Variants in SEC16A observed in about 807,000 individuals in gnomAD.
SEC16A encodes the protein SEC16 homolog A, endoplasmic reticulum export factor, also known as protein transport protein Sec16A.
In SEC16A, 110 loss-of-function variants were observed where a neutral mutation model predicts 221.9. That is an observed-to-expected ratio of 0.50 (90% CI 0.42 to 0.58). SEC16A has a LOEUF of 0.58. Among genes scored for constraint, SEC16A ranks in the 20% least tolerant of loss-of-function variants. The pLI is 0.00. For missense variants in SEC16A, 3,165 were observed against 3,097.8 expected, an observed-to-expected ratio of 1.02 and a Z score of -0.52; for synonymous variants, 1,393 against 1,257.7, an observed-to-expected ratio of 1.11 and a Z score of -2.28.
chr9:136,447,141 G>A lies in SEC16A; in HGVS notation c.6697+86C>T, dbSNP rs1837109552. On this transcript the variant is annotated intron_variant, in intron 27 of 31. Transcript: ENST00000684901. This position sits in a 1 kb window ranked among gnomAD's most constrained non-coding sequence, Gnocchi z 5.5. ...GCTGGCCAGGTCATTCTTTTAACGG[G>A]AGATTTAGGAGAGACTCATAGAAAG... The A allele has an allele frequency of 3.3e-6, 5 of 1,522,272 alleles. No individual in the cohort carries two copies. Among genetic ancestry groups the A allele is most frequent in the Non-Finnish European group, 4.4e-6 (5 of 1,130,234 alleles). 94.3% of individuals were successfully genotyped at this position (1,522,272 alleles called of 1,614,324 possible). A position where few individuals can be genotyped will look rare whatever the true frequency, so the allele number is the denominator to read the frequency against.
At chr9:136,453,069 CAA>C (rs372314249) in intron 22 of SEC16A, among the ~76,000 whole-genome samples, 3 of 64,826 alleles carry the variant, frequency 4.6e-5, no homozygotes, top group Admixed American at 1.4e-4. Flanking sequence ...GAATCTGTCT[CAA>C]AAAAAAAAAA....
At position 136,446,246 on chromosome 9, in the gene SEC16A, C is replaced by T. The variant is rs111938674; in HGVS notation, c.6793-527G>A. ...TCAGCCTTCTGAGTAGCTGGGATTA[C>T]AGGCACCCGCCACCACACCCAGGTA... On this transcript the variant is annotated intron_variant, in intron 28 of 31. Coordinates refer to ENST00000684901, the MANE Select transcript of SEC16A (RefSeq NM_014866.2). Among the ~76,000 whole-genome samples, 656 of 151,754 alleles carry T rather than the reference C, an allele frequency of 4.3e-3. 9 individuals are homozygous for T. The highest frequency in any genetic ancestry group is 0.015 in the African/African-American group (623 of 41,408).
upstream of SEC16A, chr9:136,483,637 C>G (rs1390015890): frequency 1.1e-5 from 11 of 985,380 alleles, no homozygotes; most frequent in Non-Finnish European, 1.2e-5. Flanking sequence ...AGATGGGATT[C>G]TTCAATCAAG....
intron 20 of SEC16A, 108 bp downstream of exon 20, chr9:136,455,491 AAC>A: frequency 9.5e-7 from 1 of 1,056,172 alleles, no homozygotes; most frequent in Non-Finnish European, 1.3e-6. Flanking sequence ...CACTGCCTCC[AAC>A]AGTCCACATC....
intron 4 of SEC16A, among the ~76,000 whole-genome samples, chr9:136,469,578 G>A (rs963505054): frequency 1.3e-5 from 2 of 152,198 alleles, no homozygotes; most frequent in Non-Finnish European, 2.9e-5. Context: ...GCAGGAGGAT[G>A]GCTTGAGCCC....
Position 136,476,117 on chromosome 9 carries a change from T to C in SEC16A, c.1499A>G (p.His500Arg). ...GGCTCCGGTGTGGCACACAGCACCATGCCTGGGCACAGCTGGCCCAGGAAG... is the reference window on the plus strand; with the variant it reads ...GGCTCCGGTGTGGCACACAGCACCACGCCTGGGCACAGCTGGCCCAGGAAG... ...GPLPGPAVPR[H>R]GAVCHTGAPD... Residue 500 changes from histidine (H) to arginine (R), a missense_variant, in exon 3 of 32, where the codon CAT becomes CGT. Coordinates refer to ENST00000684901, the MANE Select transcript of SEC16A (RefSeq NM_014866.2). 6.2e-7 allele frequency: 1 copy of C among 1,613,674 alleles called. No homozygotes were observed. The highest frequency in any genetic ancestry group is 8.5e-7 in the Non-Finnish European group (1 of 1,179,830).
At chr9:136,461,298 T>C in intron 12 of SEC16A, 24 bp from the exon 13 acceptor site, 1 of 1,557,922 alleles carries the variant, frequency 6.4e-7, no homozygotes, top group South Asian at 1.2e-5. Flanking sequence ...TTCAGGGACC[T>C]TGGTGGGTTA....
intron 8 of SEC16A, 126 bp downstream of exon 8, chr9:136,465,836 T>C (rs1411401359): frequency 1.6e-5 from 16 of 975,214 alleles, no homozygotes; most frequent in African/African-American, 8.2e-5. Context: ...GAAGGACGGA[T>C]TGGGTCAGAG....
intron 4 of SEC16A, among the ~76,000 whole-genome samples, chr9:136,468,722 A>C (rs539951073): frequency 6.6e-6 from 1 of 152,234 alleles, no homozygotes; most frequent in Non-Finnish European, 1.5e-5. Context: ...TGGTAAAATA[A>C]CTAAGAGCCG....
rs186494487 is a variant in SEC16A at position 136,481,313 on chromosome 9, T to G, written c.-192+1625A>C. ...ACCTCGCCCGGCTAATTTTTTTTTG[T>G]ATTTTCAGTAGAGACGGGGTTTCAC... On this transcript the variant is annotated intron_variant, in intron 1 of 31. Coordinates refer to ENST00000684901, the MANE Select transcript of SEC16A (RefSeq NM_014866.2). Among the ~76,000 whole-genome samples the G allele has an allele frequency of 3.3e-5, 5 of 151,914 alleles. No homozygotes were observed. The East Asian group carries it at 7.7e-4, about 24-fold the overall frequency.
intron 24 of SEC16A, 71 bp downstream of exon 24, chr9:136,448,013 G>A (rs1214579255): frequency 6.5e-7 from 1 of 1,530,738 alleles, no homozygotes; most frequent in Non-Finnish European, 9.0e-7. Flanking sequence ...ACCTACTCAG[G>A]TCTGCTCTGA....
rs571693482 is a variant in SEC16A at position 136,460,106 on chromosome 9, G to A, written c.5009C>T (p.Pro1670Leu). The A allele has an allele frequency of 3.1e-6, 5 of 1,607,116 alleles. No homozygotes were observed. The Admixed American group carries it at 8.5e-5, about 27-fold the overall frequency. ...RVMTRFANSL[P>L]INDPLQTVYQ... is the part of the protein sequence containing the mutation. ...GACTGTCTGCAGAGGGTCGTTGATT[G>A]GGAGGCTGTTAGCAAACCTAGGCAG... Residue 1670 changes from proline (P) to leucine (L), a missense_variant, in exon 14 of 32, where the codon CCA becomes CTA. By Grantham distance (98) the Pro-to-Leu change is moderately conservative (BLOSUM62 -3). Around this residue, in one of 3 missense-constraint regions of SEC16A, gnomAD observed 1,088 missense variants for 1,089.6 expected, o/e 1.00. Transcript: ENST00000684901.
upstream of SEC16A, chr9:136,484,587 C>T: frequency 7.4e-7 from 1 of 1,344,220 alleles, no homozygotes; most frequent in South Asian, 1.2e-5. Flanking sequence ...GAGCTCCCAG[C>T]AGCGGCTGAG....
At chr9:136,478,401 T>TAAAA (rs1841921760) in intron 2 of SEC16A, among the ~76,000 whole-genome samples, 1 of 59,760 alleles carries the variant, frequency 1.7e-5, no homozygotes, top group Non-Finnish European at 3.5e-5. Flanking sequence ...AGTCCCTAGC[T>TAAAA]CAAAAAAAAA....
At chr9:136,465,744 C>G (rs1363475429) in intron 8 of SEC16A, among the ~76,000 whole-genome samples, 1 of 152,194 alleles carries the variant, frequency 6.6e-6, no homozygotes, top group Non-Finnish European at 1.5e-5. Context: ...CATGTCGGGG[C>G]AGGCAGGGCA....
intron 11 of SEC16A, 38 bp from the exon 12 acceptor site, chr9:136,463,170 C>T: frequency 6.2e-7 from 1 of 1,600,682 alleles, no homozygotes; most frequent in African/African-American, 1.3e-5. Context: ...AGAACAACGG[C>T]TCTCAGGTGA....
rs546204728 is a variant in SEC16A, at chr9:136,467,405, A to C, written c.3803-322T>G. 4.6e-5 allele frequency among the ~76,000 whole-genome samples: 7 copies of C among 152,242 alleles called. No homozygotes were observed. In the East Asian group the frequency reaches 1.3e-3, roughly 29 times the overall value. ...TCTTAAACAGAGATGGGGTCTTACT[A>C]TGTTTCGCAGGCTGTTCTTGAACTC... On this transcript the variant is annotated intron_variant, in intron 5 of 31. Transcript: ENST00000684901.
chr9:136,444,453 AAC>A (rs1836664161), intron 30 of SEC16A, among the ~76,000 whole-genome samples: 2 of 152,210 alleles, frequency 1.3e-5, no homozygotes, highest in African/African-American at 4.8e-5. Context: ...TGACCGGGGA[AAC>A]ACTCACTCGG....
At position 136,443,839 on chromosome 9, in the gene SEC16A, G is replaced by A. The variant is rs770967716; in HGVS notation, c.6989C>T (p.Pro2330Leu). 3 of 1,612,444 alleles carry A rather than the reference G, an allele frequency of 1.9e-6. No individual in the cohort carries two copies. In the Admixed American group the frequency reaches 5.0e-5, roughly 27 times the overall value. ...GTCACTCACCTGTGCCAGCTGAGCAGGGTTGTAGAAGGGCATGGCCCCGCT... is the reference window on the plus strand; with the variant it reads ...GTCACTCACCTGTGCCAGCTGAGCAAGGTTGTAGAAGGGCATGGCCCCGCT... Reference protein sequence around the residue: ...PPSGAMPFYNPAQLAQACATS... With the variant: ...PPSGAMPFYNLAQLAQACATS... Residue 2330 changes from proline (P) to leucine (L), a missense_variant, in exon 31 of 32, where the codon CCT becomes CTT. Coordinates refer to ENST00000684901, the MANE Select transcript of SEC16A (RefSeq NM_014866.2).
Sources: allele counts gnomAD v4.1 joint callset (sites outside exome capture counted in the v4.1 genomes callset), GRCh38; gene constraint gnomAD v4.1.1; regional missense constraint gnomAD v4.1.1; non-coding constraint Gnocchi (gnomAD v3.1); transcripts MANE v1.5; gene names NCBI Gene and HGNC (gene_info 2026-07-23, HGNC 2026-07-21).